Variants in SLC45A4 observed in about 807,000 individuals in gnomAD.
The protein encoded by SLC45A4 is polyamine-transporter SLC45A4.
Under a neutral mutation model 63.7 loss-of-function variants are expected in SLC45A4, and 32 were observed. That is an observed-to-expected ratio of 0.50 (90% CI 0.38 to 0.67). SLC45A4 has a LOEUF of 0.67. SLC45A4 is among the 30% of genes least tolerant of loss of function. SLC45A4 has a pLI of 0.00. For synonymous variants in SLC45A4, 535 were observed against 510.0 expected, an observed-to-expected ratio of 1.05 and a Z score of -0.66; for missense variants, 1,027 against 1,157.7, an observed-to-expected ratio of 0.89 and a Z score of 1.64.
intron 1 of SLC45A4, among the ~76,000 whole-genome samples, chr8:141,291,704 C>A (rs1039710174): frequency 1.3e-5 from 2 of 152,120 alleles, no homozygotes; most frequent in African/African-American, 2.4e-5. Context: ...ACAAATCAGG[C>A]GAGCAGTGGT....
At chr8:141,258,905 A>AAC (rs1407696935) in intron 1 of SLC45A4, among the ~76,000 whole-genome samples, 1 of 151,610 alleles carries the variant, frequency 6.6e-6, no homozygotes. Flanking sequence ...AAAAAAAAAA[A>AAC]AACAGACTCT....
chr8:141,247,592 T>C (rs974756379), intron 2 of SLC45A4, among the ~76,000 whole-genome samples: 16 of 152,210 alleles, frequency 1.1e-4, no homozygotes, highest in Non-Finnish European at 1.9e-4. Context: ...CTTTTTCTTT[T>C]TTAGAAACGA....
At chr8:141,235,738 T>C (rs1301250619) in intron 2 of SLC45A4, among the ~76,000 whole-genome samples, 4 of 152,110 alleles carry the variant, frequency 2.6e-5, no homozygotes, top group Non-Finnish European at 5.9e-5. Context: ...ATTAGTCACG[T>C]TCTCGAATGA....
rs915167585 is a variant in SLC45A4 at position 141,207,592 on chromosome 8, G to A, written c.*3980C>T. On this transcript the variant is annotated 3_prime_UTR_variant, in exon 9 of 9. Transcript: ENST00000517878. ...CAATGGAACTAAATAGTTTCGTTCCGAGATGCCTGGGGAGTTTCTCTGGCA... is the reference window on the plus strand; with the variant it reads ...CAATGGAACTAAATAGTTTCGTTCCAAGATGCCTGGGGAGTTTCTCTGGCA... 2.0e-5 allele frequency: 3 copies of A among 152,260 alleles called. No homozygotes were observed. Among genetic ancestry groups the A allele is most frequent in the Non-Finnish European group, 4.4e-5 (3 of 68,062 alleles). 9.4% of individuals were successfully genotyped at this position (152,260 alleles called of 1,614,324 possible). A position where few individuals can be genotyped will look rare whatever the true frequency, so the allele number is the denominator to read the frequency against.
chr8:141,239,594 A>ACACACACG lies in SLC45A4; in HGVS notation c.241+14394_241+14395insCGTGTGTG, dbSNP rs1555571146. On this transcript the variant is annotated intron_variant, in intron 2 of 8. Coordinates refer to ENST00000517878, the MANE Select transcript of SLC45A4 (RefSeq NM_001286646.2). ...GCAAAGCACACACACACACACACAC[A>ACACACACG]CACACGCACGCACACACACAGCATC... 3.4e-3 allele frequency among the ~76,000 whole-genome samples: 510 copies of ACACACACG among 151,844 alleles called. 4 individuals carry two copies. The highest frequency in any genetic ancestry group is 0.031 in the East Asian group (158 of 5,150).
At chr8:141,273,040 C>T (rs1829598854) in intron 1 of SLC45A4, among the ~76,000 whole-genome samples, 1 of 152,190 alleles carries the variant, frequency 6.6e-6, no homozygotes. Flanking sequence ...GAAGAAGATG[C>T]AGTGTCCGAC....
intron 2 of SLC45A4, among the ~76,000 whole-genome samples, chr8:141,236,123 A>AAAACAC (rs1383555473): frequency 2.6e-5 from 4 of 151,934 alleles, no homozygotes; most frequent in South Asian, 2.1e-4. Flanking sequence ...AACAAAAACA[A>AAAACAC]ACATGAGAGT....
At chr8:141,304,792 C>T (rs536706891) in intron 1 of SLC45A4, among the ~76,000 whole-genome samples, 2 of 152,308 alleles carry the variant, frequency 1.3e-5, no homozygotes, top group African/African-American at 2.4e-5. Context: ...AACAGCAACC[C>T]ATCCACGGCT....
intron 2 of SLC45A4, chr8:141,228,153 G>C: frequency 6.2e-7 from 1 of 1,613,690 alleles, no homozygotes; most frequent in Non-Finnish European, 8.5e-7. Flanking sequence ...GGTGGAGGCA[G>C]CAGTTTTGAA....
rs762319285 is a variant in SLC45A4, at chr8:141,218,260, G to A, written c.1380C>T (p.Asp460=). 2 of 1,602,970 alleles carry A rather than the reference G, an allele frequency of 1.2e-6. No homozygotes were observed. Among genetic ancestry groups the A allele is most frequent in the South Asian group, 2.2e-5 (2 of 91,062 alleles). Residue 460 remains aspartate (D), a synonymous_variant, in exon 5 of 9, where the codon GAC becomes GAT. Coordinates refer to ENST00000517878, the MANE Select transcript of SLC45A4 (RefSeq NM_001286646.2). ...KPSRSMSDLY[D]MQKRQRQHRH... ...GGTGCTGCCGCTGCCGCTTCTGCAT[G>A]TCGTACAGGTCGCTCATGCTGCGCG...
intron 2 of SLC45A4, among the ~76,000 whole-genome samples, chr8:141,223,385 G>A (rs1448655672): frequency 1.3e-5 from 2 of 152,166 alleles, no homozygotes; most frequent in Admixed American, 1.3e-4. Flanking sequence ...TGTTAATAAT[G>A]ATCCATCAGG....
At chr8:141,231,013 G>A (rs1282452194) in intron 2 of SLC45A4, among the ~76,000 whole-genome samples, 6 of 152,250 alleles carry the variant, frequency 3.9e-5, no homozygotes, top group South Asian at 2.1e-4. Flanking sequence ...CCCCCACCCC[G>A]CCCGGCCTCT....
At position 141,269,458 on chromosome 8, in the gene SLC45A4, ATGTGTC is replaced by A. The variant is rs201900564; in HGVS notation, c.-400-14835_-400-14830del. ...GGTGTATGTGTGTCGATGTCTGCCT[ATGTGTC>A]TGTGTGTGTGTGTGTGTGTGTGTGT... On this transcript the variant is annotated intron_variant, in intron 1 of 8. Coordinates refer to ENST00000517878, the MANE Select transcript of SLC45A4 (RefSeq NM_001286646.2). Among the ~76,000 whole-genome samples, 763 of 130,054 alleles carry A rather than the reference ATGTGTC, an allele frequency of 5.9e-3. 3 individuals carry two copies. The highest frequency in any genetic ancestry group is 0.026 in the African/African-American group (733 of 28,714). 85.3% of individuals were successfully genotyped at this position (130,054 alleles called of 152,430 possible).
At chr8:141,279,291 C>T (rs908802582) in intron 1 of SLC45A4, among the ~76,000 whole-genome samples, 12 of 152,224 alleles carry the variant, frequency 7.9e-5, no homozygotes, top group Admixed American at 2.0e-4. Flanking sequence ...GTGAAGGAAA[C>T]GGCTCTGGAG....
intron 1 of SLC45A4, among the ~76,000 whole-genome samples, chr8:141,271,330 C>T (rs1182984628): frequency 6.6e-6 from 1 of 152,202 alleles, no homozygotes; most frequent in Non-Finnish European, 1.5e-5. Context: ...CTGGCTGGCA[C>T]CACACTCAAT....
chr8:141,212,076 T>C, intron 8 of SLC45A4, 121 bp downstream of exon 8: 1 of 1,408,398 alleles, frequency 7.1e-7, no homozygotes, highest in Non-Finnish European at 9.2e-7. Flanking sequence ...CACTGCCGGG[T>C]CGGCCACAGC....
Position 141,215,672 on chromosome 8 carries a change from C to T in SLC45A4, c.1941+87G>A, listed in dbSNP as rs958662793. 2 of 1,403,742 alleles carry T rather than the reference C, an allele frequency of 1.4e-6. No homozygotes were observed. The highest frequency in any genetic ancestry group is 1.4e-5 in the African/African-American group (1 of 70,620). The allele number at this position is 1,403,742 out of a possible 1,614,324, so 87.0% of individuals were successfully genotyped here. ...AGGGCCATCTGTGTCGTGAACGTCC[C>T]CCCGGGGAAGCACAGGGCTCTGCTC... On this transcript the variant is annotated intron_variant, in intron 7 of 8. Coordinates refer to ENST00000517878, the MANE Select transcript of SLC45A4 (RefSeq NM_001286646.2). The surrounding 1 kb of genome is among the most constrained non-coding windows in gnomAD (Gnocchi z 4.3).
intron 1 of SLC45A4, among the ~76,000 whole-genome samples, chr8:141,297,669 A>C (rs1316325019): frequency 6.6e-6 from 1 of 152,246 alleles, no homozygotes; most frequent in Non-Finnish European, 1.5e-5. Flanking sequence ...CAGCCCGGCC[A>C]GTGGCCATGC....
Position 141,272,793 on chromosome 8 carries a change from C to G in SLC45A4, c.-400-18164G>C, listed in dbSNP as rs550061669. 9.2e-5 allele frequency among the ~76,000 whole-genome samples: 14 copies of G among 152,302 alleles called. No homozygotes were observed. In the South Asian group the frequency reaches 2.7e-3, roughly 29 times the overall value. On this transcript the variant is annotated intron_variant, in intron 1 of 8. Transcript: ENST00000517878. ...TTCCAACAGGACCCCAAGCTCTCCC[C>G]CTTCCCTCCACAACACCAGACAGAA...
Sources: allele counts gnomAD v4.1 joint callset (sites outside exome capture counted in the v4.1 genomes callset), GRCh38; gene constraint gnomAD v4.1.1; non-coding constraint Gnocchi (gnomAD v3.1); transcripts MANE v1.5; gene names NCBI Gene and HGNC (gene_info 2026-07-23, HGNC 2026-07-21).